TIAM2: variants seen among roughly 807,000 people sequenced by gnomAD.
The protein encoded by TIAM2 is TIAM Rac1 associated GEF 2.
In TIAM2, 80 loss-of-function variants were observed where a neutral mutation model predicts 152.9. The observed-to-expected ratio is 0.52, with a 90% CI of 0.44 to 0.63. The LOEUF (loss-of-function observed/expected upper bound fraction) is 0.63. TIAM2 is among the 30% of genes least tolerant of loss of function. TIAM2 has a pLI of 0.00. For missense variants in TIAM2, 1,965 were observed against 2,120.1 expected, an observed-to-expected ratio of 0.93 and a Z score of 1.44; for synonymous variants, 804 against 838.0, an observed-to-expected ratio of 0.96 and a Z score of 0.70.
rs1464007337 is a variant in TIAM2 at position 155,250,833 on chromosome 6, G to C, written c.3952-80G>C. The stretch of plus-strand genomic sequence containing the variant: ...CTGTGCTTGCATTTTAGCAATGACT[G>C]TGTGTACATCACTATCTAACAAGAG... On this transcript the variant is annotated intron_variant, in intron 21 of 26. Transcript: ENST00000682666. 9 of 1,393,294 alleles carry C rather than the reference G, an allele frequency of 6.5e-6. No individual in the cohort carries two copies. The East Asian group carries it at 2.1e-4, about 32-fold the overall frequency. The allele number at this position is 1,393,294 out of a possible 1,614,324, so 86.3% of individuals were successfully genotyped here. A position where few individuals can be genotyped will look rare whatever the true frequency, so the allele number is the denominator to read the frequency against.
chr6:155,115,081 G>T (rs533525545), intron 2 of TIAM2, among the ~76,000 whole-genome samples: 2 of 151,474 alleles, frequency 1.3e-5, no homozygotes, highest in East Asian at 3.9e-4. Flanking sequence ...ACCTGCCTCG[G>T]ACTCCCAAAT....
intron 5 of TIAM2, among the ~76,000 whole-genome samples, chr6:155,141,517 C>T (rs1779706299): frequency 6.6e-6 from 1 of 152,128 alleles, no homozygotes; most frequent in Non-Finnish European, 1.5e-5. Context: ...ATCTGGTTAT[C>T]TGCCTACCTG....
intron 14 of TIAM2, among the ~76,000 whole-genome samples, chr6:155,203,066 AAAAAG>A (rs1781516175): frequency 6.6e-6 from 1 of 150,984 alleles, no homozygotes; most frequent in Non-Finnish European, 1.5e-5. Context: ...AAAAAAAAAA[AAAAAG>A]AGAAAGATTT....
At chr6:155,183,089 G>A in intron 13 of TIAM2, 148 bp from the exon 14 acceptor site, 1 of 1,008,884 alleles carries the variant, frequency 9.9e-7, no homozygotes, top group South Asian at 1.7e-5. Context: ...ACCTGCCACT[G>A]TGCCTGGCTG....
At chr6:155,045,908 TGCTGTGGTGCCCA>T (rs1475156698) in intron 1 of TIAM2, among the ~76,000 whole-genome samples, 1 of 141,514 alleles carries the variant, frequency 7.1e-6, no homozygotes, top group Non-Finnish European at 1.5e-5. Flanking sequence ...TACAACCTAC[TGCTGTGGTGCCCA>T]GCTTTAAGGG....
intron 15 of TIAM2, among the ~76,000 whole-genome samples, chr6:155,223,034 C>T (rs772027686): frequency 1.8e-4 from 27 of 152,244 alleles, no homozygotes; most frequent in Middle Eastern, 6.8e-3. Context: ...TATGCACTTA[C>T]GTTATTTAGG....
intron 5 of TIAM2, among the ~76,000 whole-genome samples, chr6:155,142,377 A>G (rs1779730678): frequency 2.0e-5 from 3 of 152,116 alleles, no homozygotes; most frequent in Admixed American, 6.5e-5. Flanking sequence ...ATGGGTTGTT[A>G]GGTTTGGTGA....
At position 155,254,112 on chromosome 6, in the gene TIAM2, T is replaced by A. The variant is rs375530292; in HGVS notation, c.4313+52T>A. On this transcript the variant is annotated intron_variant, in intron 25 of 26. Transcript: ENST00000682666. ...CCAACAGAAATAACATAGAATTATG[T>A]CTCTTAAGGGAATTTATATTTAGTG... 16 of 1,557,674 alleles carry A rather than the reference T, an allele frequency of 1.0e-5. No homozygotes were observed. In the African/African-American group the frequency reaches 2.1e-4, roughly 20 times the overall value.
chr6:155,164,739 A>G (rs1780374870), intron 8 of TIAM2, 139 bp downstream of exon 8: 1 of 1,028,786 alleles, frequency 9.7e-7, no homozygotes. Context: ...CCCAGAGGCC[A>G]GGGGCCTGGA....
chr6:155,041,360 G>A (rs538145174), intron 1 of TIAM2, among the ~76,000 whole-genome samples: 6 of 150,022 alleles, frequency 4.0e-5, no homozygotes, highest in Non-Finnish European at 8.9e-5. Context: ...TTGGAGAAAT[G>A]AGATTTAATG....
intron 7 of TIAM2, among the ~76,000 whole-genome samples, chr6:155,161,933 C>T (rs1780283699): frequency 6.6e-6 from 1 of 151,786 alleles, no homozygotes; most frequent in African/African-American, 2.4e-5. Flanking sequence ...CTTCTGGTAT[C>T]CAGTGACTCA....
intron 1 of TIAM2, among the ~76,000 whole-genome samples, chr6:155,039,645 T>TGGTGGGGGGGCTC (rs1776984983): frequency 1.3e-5 from 1 of 74,588 alleles, no homozygotes. Context: ...GGGGGGTGGT[T>TGGTGGGGGGGCTC]GGTGGGGGGG....
chr6:155,093,985 G>T (rs1348435642), intron 2 of TIAM2, among the ~76,000 whole-genome samples: 1 of 152,188 alleles, frequency 6.6e-6, no homozygotes, highest in African/African-American at 2.4e-5. Context: ...GCTGCAAACT[G>T]GTGAGTTTTG....
chr6:155,157,059 A>G (rs1309968020), intron 7 of TIAM2, among the ~76,000 whole-genome samples: 3 of 152,134 alleles, frequency 2.0e-5, no homozygotes, highest in Non-Finnish European at 4.4e-5. Flanking sequence ...CCTGCTATAA[A>G]ATACGTGCTC....
rs1472688400 is a variant in TIAM2 at position 155,029,477 on chromosome 6, T to TATA, written c.-209+33986_-209+33988dup. Among the ~76,000 whole-genome samples the TATA allele has an allele frequency of 4.3e-3, 15 of 3,468 alleles. 2 individuals are homozygous for TATA. Among genetic ancestry groups the TATA allele is most frequent in the Admixed American group, 0.019 (2 of 106 alleles). 2.3% of individuals were successfully genotyped at this position (3,468 alleles called of 152,430 possible). A position where few individuals can be genotyped will look rare whatever the true frequency, so the allele number is the denominator to read the frequency against. ...ATATTATATATAATATATACTATAG[T>TATA]ATATATACTATAGTATATATTATAT... is the stretch of plus-strand genomic sequence containing the variant. On this transcript the variant is annotated intron_variant, in intron 1 of 26. Transcript: ENST00000682666.
chr6:155,187,573 C>CTTTTTTTTTTT lies in TIAM2; in HGVS notation c.3064+4086_3064+4096dup, dbSNP rs59818801. On this transcript the variant is annotated intron_variant, in intron 14 of 26. Transcript: ENST00000682666. ...AACCCCCCCTCCCCCACCCCGCCCC[C>CTTTTTTTTTTT]TTTTTTTTTTTTTTTTTTTTTTTGA... Among the ~76,000 whole-genome samples the CTTTTTTTTTTT allele has an allele frequency of 1.5e-3, 73 of 49,616 alleles. 1 individual carries two copies. Among genetic ancestry groups the CTTTTTTTTTTT allele is most frequent in the African/African-American group, 4.5e-3 (57 of 12,662 alleles). 32.6% of individuals were successfully genotyped at this position (49,616 alleles called of 152,430 possible).
At chr6:155,086,813 A>G (rs1440431239) in intron 1 of TIAM2, among the ~76,000 whole-genome samples, 1 of 152,100 alleles carries the variant, frequency 6.6e-6, no homozygotes, top group Non-Finnish European at 1.5e-5. Context: ...AAAGCAAGCC[A>G]AGCCACATAT....
In TIAM2 at chr6:155,221,376, C is replaced by T. The variant is rs140436750; in HGVS notation, c.3168+10069C>T. On this transcript the variant is annotated intron_variant, in intron 15 of 26. Transcript: ENST00000682666. The stretch of plus-strand genomic sequence containing the variant: ...GGGACAGTGATGCACAGGAAAGTGA[C>T]TTGGAGACTACTCAGAGCTGAGGCC... Among the ~76,000 whole-genome samples the T allele has an allele frequency of 2.6e-5, 4 of 152,290 alleles. No homozygotes were observed. In the East Asian group the frequency reaches 7.7e-4, roughly 29 times the overall value.
Position 155,245,703 on chromosome 6 carries a change from T to C in TIAM2, c.3624T>C (p.His1208=), listed in dbSNP as rs538113333. 50 of 1,611,864 alleles carry C rather than the reference T, an allele frequency of 3.1e-5. 1 individual carries two copies. In the South Asian group the frequency reaches 5.4e-4, roughly 17 times the overall value. ...TGTACAGTGGATTCTGTGCTAACCA[T>C]ATCAAAGTACAGAAGGTTCTGGAGC... ...FKLYSGFCAN[H]IKVQKVLERA... The change falls in exon 19 of 27, where the codon CAT becomes CAC. Residue 1208 remains histidine (H), a synonymous_variant. Transcript: ENST00000682666.
Sources: gnomAD v4.1 joint callset for allele counts (sites outside exome capture counted in the v4.1 genomes callset) on GRCh38, gnomAD v4.1.1 for gene constraint, MANE v1.5 for transcripts, NCBI Gene and HGNC (gene_info 2026-07-23, HGNC 2026-07-21) for gene names.